The following NOX4 variants were observed in gnomAD, a reference collection of about 807,000 sequenced individuals.
NOX4 encodes kidney oxidase-1.
Under a neutral mutation model 87.6 loss-of-function variants are expected in NOX4, and 69 were observed. The ratio of observed to expected loss-of-function variants is 0.79; its 90% CI spans 0.65 to 0.96. The LOEUF (loss-of-function observed/expected upper bound fraction) is 0.96, where lower values mean the gene tolerates loss of function less well. Ranked by LOEUF, NOX4 falls within the 40% of genes least tolerant of loss-of-function variation. NOX4 has a pLI of 0.00. For missense variants in NOX4, 680 were observed against 681.5 expected (o/e 1.00, Z 0.02); for synonymous variants, 275 against 238.2 (o/e 1.15, Z -1.42).
chr11:89,567,212 C>A, the NOX4 span, among the ~76,000 whole-genome samples: 1 of 152,152 alleles, frequency 6.6e-6, no homozygotes, highest in Non-Finnish European at 1.5e-5. Flanking sequence ...CCTGAGATCC[C>A]CAACAGAGGC....
the NOX4 span, among the ~76,000 whole-genome samples, chr11:89,559,643 G>C: frequency 6.6e-6 from 1 of 152,090 alleles, no homozygotes; most frequent in Non-Finnish European, 1.5e-5. Flanking sequence ...AAAATAGCTA[G>C]AAATGGATGA....
intron 11 of NOX4, among the ~76,000 whole-genome samples, chr11:89,389,599 T>G (rs1940978410): frequency 1.3e-5 from 2 of 152,168 alleles, no homozygotes; most frequent in African/African-American, 4.8e-5. Flanking sequence ...AGCTTTCACA[T>G]TACTATAGAA....
At chr11:89,385,248 A>G (rs568687453) in intron 11 of NOX4, among the ~76,000 whole-genome samples, 1 of 152,288 alleles carries the variant, frequency 6.6e-6, no homozygotes, top group Admixed American at 6.5e-5. Context: ...CCTCTTTAAT[A>G]AAAACACTTC....
the NOX4 span, among the ~76,000 whole-genome samples, chr11:89,568,101 C>T: frequency 6.6e-6 from 1 of 152,106 alleles, no homozygotes; most frequent in Non-Finnish European, 1.5e-5. Flanking sequence ...GACACCACAC[C>T]TTATGGATAG....
At chr11:89,573,261 G>T in the NOX4 span, among the ~76,000 whole-genome samples, 1 of 152,048 alleles carries the variant, frequency 6.6e-6, no homozygotes, top group African/African-American at 2.4e-5. Flanking sequence ...CTTTTGGCTG[G>T]GCATGGTGGC....
chr11:89,339,547 T>G lies in NOX4; in HGVS notation c.1446+516A>C, dbSNP rs144853605. 4.1e-3 allele frequency among the ~76,000 whole-genome samples: 625 copies of G among 152,218 alleles called. 2 individuals carry two copies. Among genetic ancestry groups the G allele is most frequent in the African/African-American group, 0.014 (599 of 41,564 alleles). ...AGATAAATAGGTCAAATGTTACACG[T>G]AGGATAGGAAAAGATTCCTGCTTTA... On this transcript the variant is annotated intron_variant, in intron 15 of 17. Transcript: ENST00000263317.
At chr11:89,516,978 T>G in the NOX4 span, among the ~76,000 whole-genome samples, 1 of 116,326 alleles carries the variant, frequency 8.6e-6, no homozygotes, top group East Asian at 2.6e-4. Flanking sequence ...CCTCTCTTCC[T>G]CCTCCTCCTC....
chr11:89,342,027 T>C (rs374578056), intron 14 of NOX4, 47 bp downstream of exon 14: 2 of 1,460,144 alleles, frequency 1.4e-6, no homozygotes, highest in Non-Finnish European at 1.9e-6. Context: ...ATCAGAAATA[T>C]TGGCAGTTCT....
chr11:89,482,050 T>C (rs1946411872), intron 2 of NOX4, among the ~76,000 whole-genome samples: 1 of 151,990 alleles, frequency 6.6e-6, no homozygotes, highest in African/African-American at 2.4e-5. Flanking sequence ...TCCTCAGAGG[T>C]GCTAATTTAT....
chr11:89,455,567 A>G (rs896953673), intron 2 of NOX4, among the ~76,000 whole-genome samples: 1 of 152,062 alleles, frequency 6.6e-6, no homozygotes, highest in African/African-American at 2.4e-5. Flanking sequence ...TACAACTCTC[A>G]AGTTTGTTCA....
chr11:89,428,652 C>A (rs553706462), intron 7 of NOX4, among the ~76,000 whole-genome samples: 1 of 152,110 alleles, frequency 6.6e-6, no homozygotes, highest in Non-Finnish European at 1.5e-5. Flanking sequence ...ATCAATTCAA[C>A]AAGAAGAGCT....
At chr11:89,513,127 C>T in the NOX4 span, among the ~76,000 whole-genome samples, 2 of 151,968 alleles carry the variant, frequency 1.3e-5, no homozygotes, top group East Asian at 3.9e-4. Flanking sequence ...TCCAGACCAA[C>T]CTGACCAACA....
chr11:89,382,151 G>A (rs761965599), intron 11 of NOX4, among the ~76,000 whole-genome samples: 1 of 151,876 alleles, frequency 6.6e-6, no homozygotes, highest in Non-Finnish European at 1.5e-5. Flanking sequence ...AGGGGGGAGG[G>A]CAGGTACCCC....
the NOX4 span, among the ~76,000 whole-genome samples, chr11:89,522,170 G>T: frequency 2.6e-5 from 4 of 152,144 alleles, no homozygotes. Flanking sequence ...CAATCTCTTT[G>T]CTAGGTATAT....
chr11:89,545,602 G>A, the NOX4 span: 1 of 150,432 alleles, frequency 6.6e-6, no homozygotes, highest in Non-Finnish European at 1.5e-5. Context: ...TACATCACCA[G>A]AATTACATTT....
intron 2 of NOX4, among the ~76,000 whole-genome samples, chr11:89,459,757 G>T (rs1014722675): frequency 6.6e-6 from 1 of 152,136 alleles, no homozygotes; most frequent in African/African-American, 2.4e-5. Flanking sequence ...CAGATTCACT[G>T]CCATCCCCAT....
rs1029600378 is a variant in NOX4 at position 89,400,001 on chromosome 11, G to A, written c.1074+16C>T. 8 of 1,590,238 alleles carry A rather than the reference G, an allele frequency of 5.0e-6. No individual in the cohort carries two copies. Among genetic ancestry groups the A allele is most frequent in the Non-Finnish European group, 6.9e-6 (8 of 1,163,792 alleles). On this transcript the variant is annotated intron_variant, in intron 11 of 17. Transcript: ENST00000263317. ...GCACCCTACAAATGTGAAAAAGCAAGAGATATGTTTCTTACCATTGTGAGG... is the reference window on the plus strand; with the variant it reads ...GCACCCTACAAATGTGAAAAAGCAAAAGATATGTTTCTTACCATTGTGAGG...
chr11:89,560,891 T>C, the NOX4 span, among the ~76,000 whole-genome samples: 9 of 148,992 alleles, frequency 6.0e-5, no homozygotes, highest in Admixed American at 1.3e-4. Context: ...GCTATCAGCA[T>C]TTCAGTGTTT....
intron 4 of NOX4, among the ~76,000 whole-genome samples, chr11:89,444,679 T>A (rs1455284737): frequency 6.6e-6 from 1 of 152,120 alleles, no homozygotes; most frequent in Non-Finnish European, 1.5e-5. Flanking sequence ...CATACTTCCC[T>A]ACCCCATAAG....
Sources: gnomAD v4.1 joint callset for allele counts (sites outside exome capture counted in the v4.1 genomes callset) on GRCh38, gnomAD v4.1.1 for gene constraint, MANE v1.5 for transcripts, NCBI Gene and HGNC (gene_info 2026-07-23, HGNC 2026-07-21) for gene names.